The following FYB1 variants were observed in gnomAD, a reference collection of about 807,000 sequenced individuals.
FYB1 encodes FYN binding protein 1.
FYB1 carries 41 observed loss-of-function variants against 94.1 expected under a neutral mutation model. That is an observed-to-expected ratio of 0.44 (90% CI 0.34 to 0.57). The LOEUF is 0.57. Among genes scored for constraint, FYB1 ranks in the 20% least tolerant of loss-of-function variants. The probability of loss-of-function intolerance (pLI) is 0.02; values close to 1 mark genes in which losing one functional copy is unlikely to be tolerated. For synonymous variants in FYB1, 367 were observed against 353.2 expected, an observed-to-expected ratio of 1.04 and a Z score of -0.44; for missense variants, 1,050 against 976.8, an observed-to-expected ratio of 1.07 and a Z score of -1.00.
At chr5:39,227,041 G>A (rs1750503185) in intron 1 of FYB1, among the ~76,000 whole-genome samples, 1 of 152,204 alleles carries the variant, frequency 6.6e-6, no homozygotes, top group South Asian at 2.1e-4. Flanking sequence ...AAAACTCACA[G>A]CATAAATCTG....
At chr5:39,127,664 A>G in intron 11 of FYB1, 77 bp downstream of exon 11, 1 of 1,445,688 alleles carries the variant, frequency 6.9e-7, no homozygotes, top group Non-Finnish European at 9.2e-7. Flanking sequence ...TCCGCTTTTT[A>G]TTTTAACTGG....
At chr5:39,236,385 A>C (rs1409197605) in intron 1 of FYB1, among the ~76,000 whole-genome samples, 1 of 152,130 alleles carries the variant, frequency 6.6e-6, no homozygotes, top group East Asian at 1.9e-4. Context: ...GTATTCAATA[A>C]CTCTGGCAAA....
At chr5:39,195,321 T>C (rs696737) in intron 2 of FYB1, among the ~76,000 whole-genome samples, 14,686 of 152,226 alleles carry the variant, frequency 0.096, 961 homozygotes, top group African/African-American at 0.15. Context: ...TACTGCCACA[T>C]GCTGATATAA....
chr5:39,114,022 T>A lies in FYB1; in HGVS notation c.2402-3633A>T, dbSNP rs373979356. Among the ~76,000 whole-genome samples the A allele has an allele frequency of 1.4e-4, 22 of 152,124 alleles. No homozygotes were observed. In the East Asian group the frequency reaches 4.0e-3, roughly 28 times the overall value. On this transcript the variant is annotated intron_variant, in intron 16 of 18. Transcript: ENST00000512982. ...TTTAAAAATTTTCTTTCAGTGTGCA[T>A]GTGTTGTTTTAAAATTGAAAAAAAA...
rs180784717 is a variant in FYB1 at position 39,246,095 on chromosome 5, C to G, written c.-28+28308G>C. 7.4e-4 allele frequency among the ~76,000 whole-genome samples: 113 copies of G among 152,220 alleles called. 2 individuals carry two copies. In the Middle Eastern group the frequency reaches 0.014, roughly 18 times the overall value. ...TCTTTCTGCTTTGTTTTGTCCATGCCTAATCTAGAGAGAATAAGTGAAGTA... is the reference window on the plus strand; with the variant it reads ...TCTTTCTGCTTTGTTTTGTCCATGCGTAATCTAGAGAGAATAAGTGAAGTA... On this transcript the variant is annotated intron_variant, in intron 1 of 1. Transcript: ENST00000510188.
chr5:39,245,353 G>A, intron 1 of FYB1, among the ~76,000 whole-genome samples: 1 of 152,122 alleles, frequency 6.6e-6, no homozygotes, highest in South Asian at 2.1e-4. Flanking sequence ...AGTCTGAGGT[G>A]GAAGGAATAG....
chr5:39,227,723 G>A (rs1345481), intron 1 of FYB1, among the ~76,000 whole-genome samples: 1 of 152,040 alleles, frequency 6.6e-6, no homozygotes, highest in Admixed American at 6.6e-5. Flanking sequence ...AATGGCTTCC[G>A]TCATTGAAGT....
intron 2 of FYB1, among the ~76,000 whole-genome samples, chr5:39,162,111 T>A (rs947232175): frequency 6.6e-6 from 1 of 152,228 alleles, no homozygotes; most frequent in Non-Finnish European, 1.5e-5. Flanking sequence ...GTTGTTTCTA[T>A]CTTCTGCCTG....
At chr5:39,273,065 G>A (rs1008479226) in intron 1 of FYB1, among the ~76,000 whole-genome samples, 2 of 152,300 alleles carry the variant, frequency 1.3e-5, no homozygotes, top group East Asian at 1.9e-4. Context: ...CCGGGAGGTG[G>A]GGGGCGCTTC....
intron 1 of FYB1, among the ~76,000 whole-genome samples, chr5:39,264,496 G>A (rs1225978371): frequency 1.3e-5 from 2 of 152,178 alleles, no homozygotes; most frequent in Admixed American, 1.3e-4. Flanking sequence ...GCATTCATGT[G>A]GCCACTGCCT....
intron 1 of FYB1, among the ~76,000 whole-genome samples, chr5:39,236,857 A>T (rs1750987244): frequency 6.6e-6 from 1 of 151,992 alleles, no homozygotes; most frequent in Admixed American, 6.6e-5. Flanking sequence ...TCAAACAGAG[A>T]TATTAGCTAA....
intron 5 of FYB1, 155 bp from the exon 6 acceptor site, chr5:39,138,846 C>A (rs1408832806): frequency 1.5e-6 from 1 of 662,258 alleles, no homozygotes; most frequent in African/African-American, 1.8e-5. Context: ...CTTAAAGGAG[C>A]CATACTGTGA....
At chr5:39,255,456 A>G (rs1042207406) in intron 1 of FYB1, among the ~76,000 whole-genome samples, 3 of 142,544 alleles carry the variant, frequency 2.1e-5, no homozygotes, top group Non-Finnish European at 3.0e-5. Context: ...ATGAGTTTCA[A>G]AGTTGCAGAC....
In FYB1 at chr5:39,126,143, G is replaced by A. The variant is rs766334953; in HGVS notation, c.1908-8C>T. ...TGAACCTGTAGTGTGGAGCTTTGGA[G>A]CATGCAGGCATTGATCAGAATGTAA... On this transcript the variant is annotated splice_region_variant and splice_polypyrimidine_tract_variant and intron_variant, in intron 11 of 18. Transcript: ENST00000512982. The A allele has an allele frequency of 1.9e-6, 3 of 1,612,252 alleles. No individual in the cohort carries two copies. The highest frequency in any genetic ancestry group is 1.3e-5 in the African/African-American group (1 of 74,816).
intron 2 of FYB1, among the ~76,000 whole-genome samples, chr5:39,189,858 C>T (rs1161725251): frequency 2.0e-5 from 3 of 152,300 alleles, no homozygotes; most frequent in East Asian, 1.9e-4. Flanking sequence ...AGGGAAACTG[C>T]TGAGTCCTTG....
In FYB1 at chr5:39,199,032, C is replaced by T. The variant is rs62358735; in HGVS notation, c.1135+2794G>A. On this transcript the variant is annotated intron_variant, in intron 2 of 18. Transcript: ENST00000512982. ...ATTTGTGAAATGGGGGCGATAATTA[C>T]ACTTAATAAAGAATTTTCCCATCTA... Among the ~76,000 whole-genome samples, 889 of 151,936 alleles carry T rather than the reference C, an allele frequency of 5.9e-3. 4 individuals are homozygous for T. The highest frequency in any genetic ancestry group is 9.6e-3 in the Non-Finnish European group (653 of 67,946).
intron 4 of FYB1, chr5:39,139,894 T>C (rs1044020436): frequency 2.0e-5 from 3 of 152,008 alleles, no homozygotes; most frequent in Non-Finnish European, 4.4e-5. Flanking sequence ...TGATATAATA[T>C]AAAGGTAGCA....
At chr5:39,268,046 A>G (rs1028389094) in intron 1 of FYB1, among the ~76,000 whole-genome samples, 2 of 152,194 alleles carry the variant, frequency 1.3e-5, no homozygotes, top group Non-Finnish European at 2.9e-5. Flanking sequence ...CAATATTATT[A>G]AAGATATTTT....
chr5:39,211,253 A>AT (rs937217999), intron 1 of FYB1, among the ~76,000 whole-genome samples: 24 of 150,948 alleles, frequency 1.6e-4, no homozygotes, highest in African/African-American at 4.9e-4. Flanking sequence ...AAGTTCTTTC[A>AT]TTTTTTCTGT....
Sources: allele counts gnomAD v4.1 joint callset (sites outside exome capture counted in the v4.1 genomes callset), GRCh38; gene constraint gnomAD v4.1.1; transcripts MANE v1.5; gene names NCBI Gene and HGNC (gene_info 2026-07-23, HGNC 2026-07-21).